ZNF589: variants seen among roughly 807,000 people sequenced by gnomAD.
ZNF589 encodes KRAB-zinc finger protein SZF1-1.
A neutral mutation model predicts 13.6 loss-of-function variants in ZNF589; 17 were observed. The observed-to-expected ratio is 1.25, with a 90% CI of 0.86 to 1.88. ZNF589 has a LOEUF of 1.88. ZNF589 is among the 40% of genes most tolerant of loss of function. ZNF589 has a pLI of 0.00. For missense variants in ZNF589, 407 were observed against 434.0 expected (o/e 0.94, Z 0.55); for synonymous variants, 148 against 161.6 (o/e 0.92, Z 0.64).
chr3:48,252,438 G>C (rs964790652), intron 2 of ZNF589, among the ~76,000 whole-genome samples: 53 of 151,474 alleles, frequency 3.5e-4, no homozygotes, highest in African/African-American at 1.2e-3. Context: ...TGATCCACCC[G>C]CCTCGGCCTC....
At position 48,241,996 on chromosome 3, in the gene ZNF589, G is replaced by C. The variant is rs372373362; in HGVS notation, c.43+782G>C. ...CACCCCGGCTGTTGTATTTTTAGTA[G>C]AGAGGGGATTTCGCCATATTTGCCA... On this transcript the variant is annotated intron_variant, in intron 1 of 3. Transcript: ENST00000354698. Among the ~76,000 whole-genome samples the C allele has an allele frequency of 4.4e-4, 67 of 152,090 alleles. 1 individual carries two copies. The highest frequency in any genetic ancestry group is 1.7e-3 in the Admixed American group (26 of 15,266).
At chr3:48,247,594 G>T (rs774099974) in intron 1 of ZNF589, 31 bp from the exon 2 acceptor site, 1 of 1,610,870 alleles carries the variant, frequency 6.2e-7, no homozygotes, top group Admixed American at 1.7e-5. Flanking sequence ...GGTAGGGCTG[G>T]CTTCTCAAGG....
chr3:48,243,946 G>A (rs905787734), intron 1 of ZNF589, among the ~76,000 whole-genome samples: 3 of 152,174 alleles, frequency 2.0e-5, no homozygotes, highest in African/African-American at 7.2e-5. Flanking sequence ...GTCCAACATG[G>A]GCGGAGGCAC....
intron 2 of ZNF589, among the ~76,000 whole-genome samples, chr3:48,251,262 C>T (rs115602435): frequency 1.8e-3 from 272 of 152,198 alleles, no homozygotes; most frequent in African/African-American, 6.1e-3. Context: ...TGGAAAATCT[C>T]AGCACGCAAC....
chr3:48,256,404 T>C (rs1237178459), intron 2 of ZNF589: 8 of 568,306 alleles, frequency 1.4e-5, no homozygotes, highest in South Asian at 4.3e-5. Context: ...TCAGGAGGGT[T>C]GACCCCAAGG....
In ZNF589 at chr3:48,268,729, G is replaced by A; in HGVS notation, c.1038G>A (p.Glu346=). The A allele has an allele frequency of 2.5e-6, 4 of 1,612,884 alleles. No individual in the cohort carries two copies. The highest frequency in any genetic ancestry group is 1.1e-5 in the South Asian group (1 of 91,000). The part of the protein sequence containing the change: ...VCGRGFREKS[E]LIKHQRIHTG... The stretch of plus-strand genomic sequence containing the variant: ...GGCGAGGCTTTCGTGAAAAGTCAGA[G>A]CTCATTAAGCACCAGAGAATTCACA... Residue 346 remains glutamate, a synonymous_variant, in exon 4 of 4, where the codon GAG becomes GAA. Coordinates refer to ENST00000354698, the MANE Select transcript of ZNF589 (RefSeq NM_016089.3).
chr3:48,257,762 A>C (rs747665231), intron 2 of ZNF589, among the ~76,000 whole-genome samples: 42 of 151,650 alleles, frequency 2.8e-4, no homozygotes, highest in Non-Finnish European at 5.7e-4. Flanking sequence ...TTTTAGGTTG[A>C]GGTTAATTTT....
intron 1 of ZNF589, among the ~76,000 whole-genome samples, chr3:48,242,436 A>G (rs1368076991): frequency 6.6e-6 from 1 of 152,034 alleles, no homozygotes; most frequent in Non-Finnish European, 1.5e-5. Context: ...ATGTAACAAC[A>G]GGAACAGTCT....
At chr3:48,254,568 T>C (rs2033877870) in intron 2 of ZNF589, among the ~76,000 whole-genome samples, 1 of 152,142 alleles carries the variant, frequency 6.6e-6, no homozygotes, top group Non-Finnish European at 1.5e-5. Flanking sequence ...AGAGCTGATA[T>C]CATAATACTG....
At chr3:48,264,469 G>T (rs1410362199) in intron 3 of ZNF589, among the ~76,000 whole-genome samples, 1 of 151,784 alleles carries the variant, frequency 6.6e-6, no homozygotes, top group East Asian at 1.9e-4. Flanking sequence ...GGAGGCGGAA[G>T]TTGCAATGAG....
intron 1 of ZNF589, among the ~76,000 whole-genome samples, chr3:48,246,070 T>C (rs903947436): frequency 6.6e-6 from 1 of 151,990 alleles, no homozygotes; most frequent in African/African-American, 2.4e-5. Flanking sequence ...CCCAGCACTT[T>C]GAGAGGCCAA....
chr3:48,264,701 C>T (rs1162342081), intron 3 of ZNF589, among the ~76,000 whole-genome samples: 6 of 151,626 alleles, frequency 4.0e-5, no homozygotes, highest in East Asian at 3.9e-4. Context: ...TGGTGGCACA[C>T]GCCTGTAGTC....
chr3:48,258,149 C>T (rs2033929866), intron 2 of ZNF589, among the ~76,000 whole-genome samples: 1 of 152,120 alleles, frequency 6.6e-6, no homozygotes, highest in Admixed American at 6.6e-5. Context: ...AGCCTTCCAA[C>T]CCATGAACGT....
At chr3:48,259,426 C>T (rs9850322) in intron 2 of ZNF589, among the ~76,000 whole-genome samples, 6,569 of 152,252 alleles carry the variant, frequency 0.043, 479 homozygotes, top group African/African-American at 0.15. Context: ...GTGTTTCCTT[C>T]AGCCCCTACT....
At chr3:48,255,316 C>G (rs906715555) in intron 2 of ZNF589, among the ~76,000 whole-genome samples, 2 of 151,374 alleles carry the variant, frequency 1.3e-5, no homozygotes, top group Non-Finnish European at 2.9e-5. Context: ...GCTGGGATTA[C>G]AGGTGTGCGC....
rs111414640 is a variant in ZNF589 at position 48,252,024 on chromosome 3, G to T, written c.96+4347G>T. ...ACTGCACTCCAGCCTGGGTGATGGA[G>T]TGAGACCCTGTCTCAAAAAAAAAGA... is the stretch of plus-strand genomic sequence containing the variant. On this transcript the variant is annotated intron_variant, in intron 2 of 3. Coordinates refer to ENST00000354698, the MANE Select transcript of ZNF589 (RefSeq NM_016089.3). Among the ~76,000 whole-genome samples, 326 of 151,670 alleles carry T rather than the reference G, an allele frequency of 2.1e-3. 3 individuals carry two copies. The highest frequency in any genetic ancestry group is 7.1e-3 in the African/African-American group (292 of 41,322).
intron 3 of ZNF589, among the ~76,000 whole-genome samples, chr3:48,264,693 G>A (rs1435770326): frequency 6.6e-6 from 1 of 152,042 alleles, no homozygotes; most frequent in Non-Finnish European, 1.5e-5. Flanking sequence ...GCTGGGCATG[G>A]TGGCACACGC....
Position 48,260,903 on chromosome 3 carries a change from G to T in ZNF589, c.187G>T (p.Val63Leu). The change falls in exon 3 of 4, where the codon GTG becomes TTG. Residue 63 changes from valine to leucine, a missense_variant. By Grantham distance (32) the Val-to-Leu change is conservative (BLOSUM62 1). Coordinates refer to ENST00000354698, the MANE Select transcript of ZNF589 (RefSeq NM_016089.3). Reference sequence around the variant, plus strand: ...TGAGCAGAGGAACCTATACAAAGAAGTGATGCTGGAAAATCTCAGGAATCT... The same window carrying T: ...TGAGCAGAGGAACCTATACAAAGAATTGATGCTGGAAAATCTCAGGAATCT... Reference protein sequence around the residue: ...SLEQRNLYKEVMLENLRNLVS... With the variant: ...SLEQRNLYKELMLENLRNLVS... 1.9e-6 allele frequency: 3 copies of T among 1,614,186 alleles called. No individual in the cohort carries two copies. Among genetic ancestry groups the T allele is most frequent in the Non-Finnish European group, 2.5e-6 (3 of 1,180,036 alleles).
intron 3 of ZNF589, among the ~76,000 whole-genome samples, chr3:48,262,806 A>G (rs920071809): frequency 6.6e-6 from 1 of 152,208 alleles, no homozygotes; most frequent in Non-Finnish European, 1.5e-5. Context: ...GGTAGGTTGT[A>G]AATCAAGAGA....
Sources: gnomAD v4.1 joint callset for allele counts (sites outside exome capture counted in the v4.1 genomes callset) on GRCh38, gnomAD v4.1.1 for gene constraint, MANE v1.5 for transcripts, NCBI Gene and HGNC (gene_info 2026-07-23, HGNC 2026-07-21) for gene names.